CAB39L: variants seen among roughly 807,000 people sequenced by gnomAD.
CAB39L encodes calcium binding protein 39 like.
A neutral mutation model predicts 39.1 loss-of-function variants in CAB39L; 23 were observed. That is an observed-to-expected ratio of 0.59 (90% CI 0.42 to 0.83). The LOEUF is 0.83. CAB39L is among the 40% of genes least tolerant of loss of function. The pLI is 0.00. For synonymous variants in CAB39L, 126 were observed against 137.2 expected, an observed-to-expected ratio of 0.92 and a Z score of 0.57; for missense variants, 366 against 391.9, an observed-to-expected ratio of 0.93 and a Z score of 0.56.
At chr13:49,403,961 G>T (rs1010941374) in intron 3 of CAB39L, among the ~76,000 whole-genome samples, 1 of 152,046 alleles carries the variant, frequency 6.6e-6, no homozygotes, top group South Asian at 2.1e-4. Context: ...CTGAACTATG[G>T]GGAAACTTAA....
intron 3 of CAB39L, among the ~76,000 whole-genome samples, chr13:49,385,943 T>TG (rs976200652): frequency 4.7e-3 from 4 of 846 alleles, no homozygotes; most frequent in Non-Finnish European, 1.0e-2. Flanking sequence ...CACATGCTGG[T>TG]GAAAAAAATG....
At position 49,313,888 on chromosome 13, in the gene CAB39L, AAG is replaced by A. The variant is rs573540650; in HGVS notation, c.835-2897_835-2896del. Among the ~76,000 whole-genome samples the A allele has an allele frequency of 1.4e-4, 21 of 152,194 alleles. No individual in the cohort carries two copies. In the South Asian group the frequency reaches 4.4e-3, roughly 32 times the overall value. On this transcript the variant is annotated intron_variant, in intron 10 of 10. Transcript: ENST00000409308. ...GTGGGGGTTTCATGGCTAAGCCTTT[AAG>A]GTTCCTCCACCCTAGCAAGTGTGGG...
chr13:49,403,985 A>G (rs1431658520), intron 3 of CAB39L, among the ~76,000 whole-genome samples: 3 of 152,256 alleles, frequency 2.0e-5, no homozygotes, highest in Non-Finnish European at 2.9e-5. Context: ...AACCTAATGT[A>G]TACTATATAT....
intron 3 of CAB39L, among the ~76,000 whole-genome samples, chr13:49,418,313 A>C (rs1957117976): frequency 6.6e-6 from 1 of 152,224 alleles, no homozygotes; most frequent in African/African-American, 2.4e-5. Flanking sequence ...ATTCATATAA[A>C]ATGTCCAGAA....
chr13:49,317,304 C>T (rs922259172), intron 10 of CAB39L, among the ~76,000 whole-genome samples: 7 of 152,010 alleles, frequency 4.6e-5, no homozygotes, highest in Admixed American at 3.3e-4. Context: ...CCGAGGTGGG[C>T]GAATCGCTTG....
chr13:49,381,048 CT>C (rs1211304205), intron 4 of CAB39L, among the ~76,000 whole-genome samples: 2 of 152,206 alleles, frequency 1.3e-5, no homozygotes, highest in East Asian at 3.9e-4. Flanking sequence ...CGGCCTCATC[CT>C]CCCTGGTAGC....
chr13:49,377,159 T>TA, intron 4 of CAB39L, 28 bp from the exon 5 acceptor site: 1 of 1,590,072 alleles, frequency 6.3e-7, no homozygotes, highest in Non-Finnish European at 8.6e-7. Context: ...TGCTAACGGT[T>TA]AAAAGAATAA....
chr13:49,412,195 T>C (rs1352785246), intron 3 of CAB39L, among the ~76,000 whole-genome samples: 1 of 152,166 alleles, frequency 6.6e-6, no homozygotes, highest in Admixed American at 6.5e-5. Context: ...GAGGGTGTTG[T>C]TTTTTGTTTT....
chr13:49,397,935 T>A (rs1286799213), intron 3 of CAB39L, among the ~76,000 whole-genome samples: 1 of 152,076 alleles, frequency 6.6e-6, no homozygotes, highest in Non-Finnish European at 1.5e-5. Context: ...ATATTACACA[T>A]AACAAATTTT....
intron 5 of CAB39L, among the ~76,000 whole-genome samples, chr13:49,372,705 C>T (rs191746371): frequency 6.6e-6 from 1 of 152,310 alleles, no homozygotes; most frequent in African/African-American, 2.4e-5. Context: ...GAGTCTCGCT[C>T]TGTCGCCCAG....
chr13:49,397,607 T>C (rs1956670252), intron 3 of CAB39L, among the ~76,000 whole-genome samples: 1 of 152,092 alleles, frequency 6.6e-6, no homozygotes, highest in South Asian at 2.1e-4. Context: ...GCTATTGTAG[T>C]TCCAGAAAAA....
chr13:49,377,137 G>A lies in CAB39L; in HGVS notation c.112-6C>T. Reference sequence around the variant, plus strand: ...TTAGACACTTCTTCTGAAGCCTAGTGACCAAAACGTATGCTAACGGTTAAA... The same window carrying A: ...TTAGACACTTCTTCTGAAGCCTAGTAACCAAAACGTATGCTAACGGTTAAA... On this transcript the variant is annotated splice_region_variant and splice_polypyrimidine_tract_variant and intron_variant, in intron 4 of 10. Transcript: ENST00000409308. 6.2e-7 allele frequency: 1 copy of A among 1,610,708 alleles called. No homozygotes were observed. Among genetic ancestry groups the A allele is most frequent in the Non-Finnish European group, 8.5e-7 (1 of 1,178,006 alleles).
intron 3 of CAB39L, among the ~76,000 whole-genome samples, chr13:49,399,362 T>A (rs990684432): frequency 2.0e-5 from 3 of 152,092 alleles, no homozygotes; most frequent in Non-Finnish European, 4.4e-5. Context: ...CCCATAAGCA[T>A]CCTTCCAAAT....
In CAB39L at chr13:49,391,947, T is replaced by TCA. The variant is rs60571092; in HGVS notation, c.-31-9008_-31-9007dup. On this transcript the variant is annotated intron_variant, in intron 3 of 10. Transcript: ENST00000409308. Reference sequence around the variant, plus strand: ...AGACTCTCAAACTCTCAAATTGGGTTCACACACACACACACACACACACAT... The same window carrying TCA: ...AGACTCTCAAACTCTCAAATTGGGTTCACACACACACACACACACACACACAT... 7.4e-3 allele frequency among the ~76,000 whole-genome samples: 1,108 copies of TCA among 149,280 alleles called. 9 individuals carry two copies. Among genetic ancestry groups the TCA allele is most frequent in the South Asian group, 0.023 (107 of 4,732 alleles).
intron 3 of CAB39L, among the ~76,000 whole-genome samples, chr13:49,394,868 C>A (rs2138632885): frequency 6.6e-6 from 1 of 151,818 alleles, no homozygotes; most frequent in South Asian, 2.1e-4. Flanking sequence ...TGAAATATGT[C>A]TAGGAAAATA....
intron 3 of CAB39L, among the ~76,000 whole-genome samples, chr13:49,399,006 T>C (rs1411946158): frequency 6.6e-6 from 1 of 152,100 alleles, no homozygotes; most frequent in African/African-American, 2.4e-5. Context: ...TATCTTACTT[T>C]TGCTTTGTTC....
At chr13:49,409,673 G>T (rs12429253) in intron 3 of CAB39L, among the ~76,000 whole-genome samples, 34,085 of 151,886 alleles carry the variant, frequency 0.22, 3,859 homozygotes, top group African/African-American at 0.23. Context: ...AGGAAGCACA[G>T]GTTTACTTCA....
intron 3 of CAB39L, among the ~76,000 whole-genome samples, chr13:49,419,030 C>G (rs150811549): frequency 1.3e-5 from 2 of 152,008 alleles, no homozygotes; most frequent in Non-Finnish European, 2.9e-5. Context: ...TGCAGTGGTG[C>G]GATCTCGGCT....
rs1191891974 is a variant in CAB39L, at chr13:49,378,247, G to A, written c.112-1116C>T. ...AGCATCTCCGACCGGCAGCCACCCC[G>A]TCAGGGAGGGAGGTGGGGGGGGGTC... On this transcript the variant is annotated intron_variant, in intron 4 of 10. Transcript: ENST00000409308. 2.2e-5 allele frequency among the ~76,000 whole-genome samples: 2 copies of A among 92,008 alleles called. 1 individual carries two copies. The highest frequency in any genetic ancestry group is 1.2e-4 in the African/African-American group (2 of 16,098). The allele number at this position is 92,008 out of a possible 152,430, so 60.4% of individuals were successfully genotyped here.
Sources: gnomAD v4.1 joint callset for allele counts (sites outside exome capture counted in the v4.1 genomes callset) on GRCh38, gnomAD v4.1.1 for gene constraint, MANE v1.5 for transcripts, NCBI Gene and HGNC (gene_info 2026-07-23, HGNC 2026-07-21) for gene names.